ACSBG2: variants seen among roughly 807,000 people sequenced by gnomAD.
ACSBG2 encodes long-chain-fatty-acid--CoA ligase ACSBG2.
ACSBG2 carries 62 observed loss-of-function variants against 74.7 expected under a neutral mutation model. That is an observed-to-expected ratio of 0.83 (90% CI 0.68 to 1.03). ACSBG2 has a LOEUF of 1.03. ACSBG2 is among the 50% of genes least tolerant of loss of function. The pLI, the probability that ACSBG2 is intolerant of heterozygous loss-of-function variation, is 0.00. For synonymous variants in ACSBG2, 309 were observed against 294.1 expected (o/e 1.05, Z -0.52); for missense variants, 730 against 817.6 (o/e 0.89, Z 1.31).
At chr19:6,190,812 T>TACACAC (rs58730661) in intron 14 of ACSBG2, 120 bp downstream of exon 14, 26,153 of 335,180 alleles carry the variant, frequency 0.078, 867 homozygotes, top group East Asian at 0.088. Context: ...CACACATACA[T>TACACAC]ACACACACAC....
At position 6,185,459 on chromosome 19, in the gene ACSBG2, G is replaced by A. The variant is rs754945858; in HGVS notation, c.1346G>A (p.Cys449Tyr). 39 of 1,614,186 alleles carry A rather than the reference G, an allele frequency of 2.4e-5. No individual in the cohort carries two copies. Among genetic ancestry groups the A allele is most frequent in the Non-Finnish European group, 3.2e-5 (38 of 1,180,038 alleles). ...LLSCGKILTG[C>Y]KNMLFQQNKD... is the part of the protein sequence containing the mutation. ...AGCTGTGGCAAGATCTTGACTGGGT[G>A]TAAGAATATGCTGTTCCAGCAGAAC... The change falls in exon 11 of 15, where the codon TGT becomes TAT. Residue 449 changes from cysteine (C) to tyrosine (Y), a missense_variant. Physicochemically the swap from Cys to Tyr is radical, Grantham distance 194. Transcript: ENST00000588485.
At chr19:6,144,911 G>A (rs1163101733) in intron 2 of ACSBG2, among the ~76,000 whole-genome samples, 2 of 151,978 alleles carry the variant, frequency 1.3e-5, no homozygotes, top group African/African-American at 4.8e-5. Flanking sequence ...GGCCAGGCTG[G>A]TCTCGAACTC....
chr19:6,175,218 G>A (rs1420157777), intron 7 of ACSBG2: 1 of 152,174 alleles, frequency 6.6e-6, no homozygotes, highest in Non-Finnish European at 1.5e-5. Flanking sequence ...TAGCCTTGAG[G>A]GATATTTTGG....
At chr19:6,156,634 A>C (rs2089430896) in intron 5 of ACSBG2, 83 bp downstream of exon 5, 6 of 1,394,592 alleles carry the variant, frequency 4.3e-6, no homozygotes, top group Non-Finnish European at 5.7e-6. Context: ...TTTCCCAGGT[A>C]AATTCTAATG....
At chr19:6,185,347 T>A in intron 10 of ACSBG2, 89 bp from the exon 11 acceptor site, 1 of 1,318,802 alleles carries the variant, frequency 7.6e-7, no homozygotes, top group South Asian at 1.2e-5. Context: ...CTGAGCAGAG[T>A]ATTAGGCACC....
chr19:6,183,330 A>AG, intron 10 of ACSBG2, 58 bp downstream of exon 10: 1 of 1,489,332 alleles, frequency 6.7e-7, no homozygotes, highest in African/African-American at 1.4e-5. Context: ...AAGAGGGGGA[A>AG]GGTGGGTGGA....
chr19:6,168,756 T>C (rs1465677609), intron 7 of ACSBG2, among the ~76,000 whole-genome samples: 6 of 152,180 alleles, frequency 3.9e-5, no homozygotes, highest in East Asian at 3.9e-4. Flanking sequence ...AAGTTCCTTA[T>C]AGATTCTGAA....
At chr19:6,168,967 T>C (rs1004476444) in intron 7 of ACSBG2, among the ~76,000 whole-genome samples, 1 of 151,912 alleles carries the variant, frequency 6.6e-6, no homozygotes, top group African/African-American at 2.4e-5. Flanking sequence ...TTAGAAGAGG[T>C]GGGGCTTCGC....
intron 11 of ACSBG2, 86 bp from the exon 12 acceptor site, chr19:6,187,197 G>A (rs2145272256): frequency 1.9e-6 from 3 of 1,571,336 alleles, no homozygotes; most frequent in Non-Finnish European, 2.6e-6. Flanking sequence ...TAGAGACGGG[G>A]TTTCACCATG....
intron 5 of ACSBG2, among the ~76,000 whole-genome samples, chr19:6,159,003 T>G (rs57207852): frequency 0.12 from 18,429 of 151,974 alleles, 2,248 homozygotes; most frequent in African/African-American, 0.32. Flanking sequence ...TGTCGTCCAG[T>G]CTGGAGAGCA....
At position 6,180,358 on chromosome 19, in the gene ACSBG2, CTT is replaced by C. The variant is rs1402339449; in HGVS notation, c.907-2392_907-2391del. The stretch of plus-strand genomic sequence containing the variant: ...CACGTGCTTCTAGAAGGTTCTTTCT[CTT>C]GTTCTTTGCAGGGCTGACTCTTCTT... On this transcript the variant is annotated intron_variant, in intron 8 of 14. Coordinates refer to ENST00000588485, the MANE Select transcript of ACSBG2 (RefSeq NM_030924.5). This position sits in a 1 kb window ranked among gnomAD's most constrained non-coding sequence, Gnocchi z 4.3. Among the ~76,000 whole-genome samples, 3 of 152,222 alleles carry C rather than the reference CTT, an allele frequency of 2.0e-5. No homozygotes were observed. The highest frequency in any genetic ancestry group is 7.2e-5 in the African/African-American group (3 of 41,466).
intron 10 of ACSBG2, among the ~76,000 whole-genome samples, chr19:6,183,976 G>GT (rs1162235646): frequency 2.0e-5 from 3 of 152,002 alleles, no homozygotes; most frequent in Non-Finnish European, 2.9e-5. Flanking sequence ...TTCTGTAAAA[G>GT]TTTTTTTGTA....
intron 13 of ACSBG2, chr19:6,190,318 C>T: frequency 2.5e-6 from 1 of 405,784 alleles, no homozygotes; most frequent in Non-Finnish European, 4.6e-6. Flanking sequence ...GATATCCCTC[C>T]TCCATTGGGT....
intron 6 of ACSBG2, among the ~76,000 whole-genome samples, chr19:6,162,020 A>G (rs555704134): frequency 5.4e-4 from 82 of 152,272 alleles, no homozygotes; most frequent in East Asian, 1.9e-3. Context: ...TGTTATAACA[A>G]TGACTAAGAC....
intron 6 of ACSBG2, among the ~76,000 whole-genome samples, chr19:6,165,107 C>T (rs1475637574): frequency 6.6e-6 from 1 of 152,174 alleles, no homozygotes; most frequent in African/African-American, 2.4e-5. Context: ...TCTGTTGGAC[C>T]ATGCAACTAC....
At chr19:6,146,563 C>T (rs1224298026) in intron 2 of ACSBG2, among the ~76,000 whole-genome samples, 1 of 149,194 alleles carries the variant, frequency 6.7e-6, no homozygotes. Flanking sequence ...GTCGGGAGTT[C>T]GAGACCAGCC....
chr19:6,163,223 GCAGATCA>G (rs1279509893), intron 6 of ACSBG2, among the ~76,000 whole-genome samples: 3 of 94,458 alleles, frequency 3.2e-5, no homozygotes, highest in East Asian at 3.7e-4. Flanking sequence ...GCTGAGGCGG[GCAGATCA>G]TGAGGTCAGG....
intron 7 of ACSBG2, among the ~76,000 whole-genome samples, chr19:6,167,338 G>A (rs887266775): frequency 1.3e-5 from 2 of 152,168 alleles, no homozygotes; most frequent in African/African-American, 4.8e-5. Context: ...AAAATGGGGA[G>A]AGTAGAGGGC....
In ACSBG2 at chr19:6,147,380, G is replaced by T; in HGVS notation, c.68-66G>T. The T allele has an allele frequency of 3.6e-6, 5 of 1,381,550 alleles. No individual in the cohort carries two copies. In the South Asian group the frequency reaches 4.8e-5, roughly 13 times the overall value. The allele number at this position is 1,381,550 out of a possible 1,614,324, so 85.6% of individuals were successfully genotyped here. ...CCTTAGGTCCAAAAAGACACCAACC[G>T]CCCCCCGTCCAAAGTTATTAAATAA... On this transcript the variant is annotated intron_variant, in intron 2 of 14. Transcript: ENST00000588485.
Sources: gnomAD v4.1 joint callset for allele counts (sites outside exome capture counted in the v4.1 genomes callset) on GRCh38, gnomAD v4.1.1 for gene constraint, Gnocchi (gnomAD v3.1) non-coding constraint, MANE v1.5 for transcripts, NCBI Gene and HGNC (gene_info 2026-07-23, HGNC 2026-07-21) for gene names.